NECAB1: variants seen among roughly 807,000 people sequenced by gnomAD.
NECAB1 encodes the protein N-terminal EF-hand calcium-binding protein 1.
NECAB1 carries 29 observed loss-of-function variants against 57.5 expected under a neutral mutation model. The ratio of observed to expected loss-of-function variants is 0.50; its 90% CI spans 0.38 to 0.69. The LOEUF is 0.69. NECAB1 is among the 30% of genes least tolerant of loss of function. NECAB1 has a pLI of 0.00. For missense variants in NECAB1, 372 were observed against 413.8 expected (o/e 0.90, Z 0.88); for synonymous variants, 142 against 147.7 (o/e 0.96, Z 0.28).
intron 3 of NECAB1, among the ~76,000 whole-genome samples, chr8:90,838,889 A>G (rs1383127927): frequency 6.6e-6 from 1 of 152,218 alleles, no homozygotes; most frequent in Non-Finnish European, 1.5e-5. Context: ...CAGTCAGACT[A>G]CATAGAAAAT....
chr8:90,918,763 G>A (rs948785701), intron 6 of NECAB1, among the ~76,000 whole-genome samples: 1 of 152,114 alleles, frequency 6.6e-6, no homozygotes, highest in African/African-American at 2.4e-5. Context: ...CTCTTTGGTT[G>A]TCTGGTCACT....
At chr8:90,847,811 C>G (rs1213855433) in intron 3 of NECAB1, among the ~76,000 whole-genome samples, 3 of 152,204 alleles carry the variant, frequency 2.0e-5, no homozygotes, top group African/African-American at 7.2e-5. Context: ...AGCTGGGACA[C>G]AGAACACCAA....
chr8:90,819,709 T>C (rs1205127651), intron 2 of NECAB1, among the ~76,000 whole-genome samples: 1 of 151,906 alleles, frequency 6.6e-6, no homozygotes, highest in Non-Finnish European at 1.5e-5. Flanking sequence ...CGTGTGTGCC[T>C]GGGCTGACAC....
In NECAB1 at chr8:90,917,870, A is replaced by ATATATATATGTGTGTG. The variant is rs1554575432; in HGVS notation, c.494+243_494+244insATATATATGTGTGTGT. On this transcript the variant is annotated intron_variant, in intron 6 of 12. Transcript: ENST00000417640. Reference sequence around the variant, plus strand: ...TATATATATATATATATATATATATATGTGTGTGTGTGCGTGTATATATAT... The same window carrying ATATATATATGTGTGTG: ...TATATATATATATATATATATATATATATATATATGTGTGTGTGTGTGTGTGTGCGTGTATATATAT... Among the ~76,000 whole-genome samples the ATATATATATGTGTGTG allele has an allele frequency of 2.2e-4, 14 of 64,336 alleles. No individual in the cohort carries two copies. In the East Asian group the frequency reaches 3.4e-3, roughly 16 times the overall value. The allele number at this position is 64,336 out of a possible 152,430, so 42.2% of individuals were successfully genotyped here.
chr8:90,817,251 C>T (rs999958876), intron 2 of NECAB1, among the ~76,000 whole-genome samples: 8 of 151,572 alleles, frequency 5.3e-5, no homozygotes, highest in African/African-American at 9.7e-5. Context: ...ATTATGTCAT[C>T]GTGAAGAAAT....
intron 3 of NECAB1, among the ~76,000 whole-genome samples, chr8:90,868,923 A>C (rs995681105): frequency 2.0e-5 from 3 of 152,236 alleles, no homozygotes; most frequent in Non-Finnish European, 4.4e-5. Flanking sequence ...CTCCCATCAT[A>C]GGCCTGGAGG....
At chr8:90,874,570 T>A (rs1323837177) in intron 4 of NECAB1, among the ~76,000 whole-genome samples, 1 of 152,192 alleles carries the variant, frequency 6.6e-6, no homozygotes, top group Non-Finnish European at 1.5e-5. Flanking sequence ...TTGACATTGA[T>A]ATATATGTGT....
chr8:90,830,925 T>A (rs924533191), intron 3 of NECAB1, among the ~76,000 whole-genome samples: 2 of 152,136 alleles, frequency 1.3e-5, no homozygotes, highest in Non-Finnish European at 2.9e-5. Context: ...GCAAGAATTA[T>A]TGGATGTGAG....
At chr8:90,803,655 G>T (rs1157334832) in intron 2 of NECAB1, among the ~76,000 whole-genome samples, 1 of 151,888 alleles carries the variant, frequency 6.6e-6, no homozygotes, top group African/African-American at 2.4e-5. Flanking sequence ...CTTCCTTACC[G>T]CCTCTCCTAA....
intron 1 of NECAB1, among the ~76,000 whole-genome samples, chr8:90,792,577 T>C (rs9643314): frequency 0.34 from 51,448 of 152,030 alleles, 9,829 homozygotes; most frequent in East Asian, 0.82. Context: ...ATATTCTCCT[T>C]CTCTCCAAGT....
intron 2 of NECAB1, chr8:90,812,870 G>T (rs1169390017): frequency 6.6e-6 from 1 of 152,122 alleles, no homozygotes; most frequent in Non-Finnish European, 1.5e-5. Flanking sequence ...TAGACTAAAA[G>T]TACCTCGCAA....
chr8:90,847,443 G>A (rs140601759), intron 3 of NECAB1, among the ~76,000 whole-genome samples: 3,325 of 152,344 alleles, frequency 0.022, 56 homozygotes, highest in Non-Finnish European at 0.034. Flanking sequence ...CACAGTGTAA[G>A]CTGTTGGTGG....
intron 2 of NECAB1, among the ~76,000 whole-genome samples, chr8:90,812,363 G>GT (rs968365256): frequency 3.9e-5 from 6 of 152,168 alleles, no homozygotes; most frequent in South Asian, 4.1e-4. Flanking sequence ...AAATAGAAGT[G>GT]TTTTTTTCTT....
chr8:90,816,365 A>T (rs1812061601), intron 2 of NECAB1, among the ~76,000 whole-genome samples: 1 of 151,884 alleles, frequency 6.6e-6, no homozygotes, highest in East Asian at 1.9e-4. Flanking sequence ...ATTTCAATGA[A>T]GTCCAATTTA....
intron 9 of NECAB1, among the ~76,000 whole-genome samples, chr8:90,935,612 T>C (rs917708942): frequency 3.3e-5 from 5 of 152,172 alleles, no homozygotes; most frequent in Non-Finnish European, 5.9e-5. Context: ...TAGGTTTGCA[T>C]AGAGGAAAAA....
intron 12 of NECAB1, among the ~76,000 whole-genome samples, chr8:90,952,881 A>T (rs1810949589): frequency 6.6e-6 from 1 of 152,184 alleles, no homozygotes; most frequent in African/African-American, 2.4e-5. Flanking sequence ...TTGTACATAG[A>T]ATGCAGGAAA....
intron 12 of NECAB1, among the ~76,000 whole-genome samples, chr8:90,952,027 G>T (rs1394484467): frequency 2.0e-5 from 3 of 152,142 alleles, no homozygotes; most frequent in African/African-American, 7.2e-5. Context: ...AGTACAAGTG[G>T]AGACAGACGA....
At chr8:90,876,112 G>A (rs1045275027) in intron 4 of NECAB1, among the ~76,000 whole-genome samples, 3 of 152,116 alleles carry the variant, frequency 2.0e-5, no homozygotes, top group African/African-American at 7.2e-5. Flanking sequence ...GGTTCCTTTC[G>A]GTAGCTGTGC....
chr8:90,800,548 T>C (rs1811743119), intron 1 of NECAB1, among the ~76,000 whole-genome samples: 1 of 152,332 alleles, frequency 6.6e-6, no homozygotes, highest in African/African-American at 2.4e-5. Flanking sequence ...TTGGATTTTA[T>C]CAAAGTCTTT....
Sources: gnomAD v4.1 joint callset for allele counts (sites outside exome capture counted in the v4.1 genomes callset) on GRCh38, gnomAD v4.1.1 for gene constraint, MANE v1.5 for transcripts, NCBI Gene and HGNC (gene_info 2026-07-23, HGNC 2026-07-21) for gene names.